The following ASIC2 variants were observed in gnomAD, a reference collection of about 807,000 sequenced individuals.
The protein encoded by ASIC2 is acid sensing ion channel subunit 2.
A neutral mutation model predicts 57.3 loss-of-function variants in ASIC2; 25 were observed. The observed-to-expected ratio is 0.44, with a 90% CI of 0.32 to 0.61. The LOEUF (loss-of-function observed/expected upper bound fraction) is 0.61, where lower values mean the gene tolerates loss of function less well. Among genes scored for constraint, ASIC2 ranks in the 20% least tolerant of loss-of-function variants. The probability of loss-of-function intolerance (pLI) is 0.06; values close to 1 mark genes in which losing one functional copy is unlikely to be tolerated. For missense variants in ASIC2, 641 were observed against 738.1 expected (o/e 0.87, Z 1.52); for synonymous variants, 319 against 307.5 (o/e 1.04, Z -0.39).
chr17:33,885,150 C>T (rs1329636766), intron 1 of ASIC2, among the ~76,000 whole-genome samples: 1 of 152,188 alleles, frequency 6.6e-6, no homozygotes, highest in African/African-American at 2.4e-5. Flanking sequence ...TGGCTGGTAG[C>T]ACAGGCTGGT....
intron 1 of ASIC2, among the ~76,000 whole-genome samples, chr17:33,642,758 G>A (rs1367606651): frequency 1.3e-5 from 2 of 152,128 alleles, no homozygotes; most frequent in African/African-American, 4.8e-5. Context: ...ATCTGACCAG[G>A]ACCTTATTTT....
chr17:33,787,401 T>C (rs1197774791), intron 1 of ASIC2, among the ~76,000 whole-genome samples: 5 of 152,246 alleles, frequency 3.3e-5, no homozygotes, highest in African/African-American at 1.2e-4. Flanking sequence ...GAATATCTAG[T>C]GTTCCCTTCA....
At chr17:33,750,733 T>G (rs768038106) in intron 1 of ASIC2, among the ~76,000 whole-genome samples, 1 of 152,186 alleles carries the variant, frequency 6.6e-6, no homozygotes, top group African/African-American at 2.4e-5. Context: ...CTGATTGGGC[T>G]AGGGACTCAG....
intron 1 of ASIC2, among the ~76,000 whole-genome samples, chr17:33,165,947 G>A (rs1248920304): frequency 6.6e-6 from 1 of 152,092 alleles, no homozygotes; most frequent in African/African-American, 2.4e-5. Context: ...GGAGGCATGG[G>A]AGGGTAAAAG....
At chr17:33,797,687 T>A (rs1253017638) in intron 1 of ASIC2, among the ~76,000 whole-genome samples, 1 of 152,158 alleles carries the variant, frequency 6.6e-6, no homozygotes, top group Non-Finnish European at 1.5e-5. Context: ...CTGACCAAGG[T>A]AATTTGCTGA....
At chr17:33,655,783 T>C (rs1567680550) in intron 1 of ASIC2, among the ~76,000 whole-genome samples, 1 of 152,208 alleles carries the variant, frequency 6.6e-6, no homozygotes, top group Non-Finnish European at 1.5e-5. Flanking sequence ...ATGCAATAAA[T>C]TGAATATTGA....
intron 1 of ASIC2, among the ~76,000 whole-genome samples, chr17:33,758,774 C>G (rs1910689492): frequency 6.6e-6 from 1 of 152,002 alleles, no homozygotes; most frequent in Non-Finnish European, 1.5e-5. Context: ...AAAGAGTTCC[C>G]AACAAGAAGA....
At chr17:34,103,801 T>C (rs1041715577) in intron 1 of ASIC2, among the ~76,000 whole-genome samples, 8 of 152,238 alleles carry the variant, frequency 5.3e-5, no homozygotes, top group African/African-American at 1.9e-4. Flanking sequence ...TCTGGTCTGC[T>C]GCAGTGATTG....
In ASIC2 at chr17:33,853,656, G is replaced by T. The variant is rs145094669; in HGVS notation, c.555+302322C>A. On this transcript the variant is annotated intron_variant, in intron 1 of 9. Coordinates refer to the ASIC2 transcript ENST00000359872. ...GCTGAAGGTTCAAATGGATTTAATCGCAGCAGGAAAGACCAACGTGGGAGG... is the reference window on the plus strand; with the variant it reads ...GCTGAAGGTTCAAATGGATTTAATCTCAGCAGGAAAGACCAACGTGGGAGG... Among the ~76,000 whole-genome samples, 586 of 152,264 alleles carry T rather than the reference G, an allele frequency of 3.8e-3. 3 individuals are homozygous for T. The highest frequency in any genetic ancestry group is 0.014 in the African/African-American group (565 of 41,566).
intron 1 of ASIC2, among the ~76,000 whole-genome samples, chr17:33,267,464 T>C (rs766809324): frequency 3.3e-5 from 5 of 152,218 alleles, no homozygotes; most frequent in African/African-American, 9.6e-5. Flanking sequence ...TAATGATTCA[T>C]GCCACACACT....
At chr17:33,525,449 C>A (rs568171912) in intron 1 of ASIC2, among the ~76,000 whole-genome samples, 1 of 152,282 alleles carries the variant, frequency 6.6e-6, no homozygotes, top group Non-Finnish European at 1.5e-5. Flanking sequence ...TGATGAAGGA[C>A]CCTATCTTCT....
At chr17:33,345,951 C>A (rs1028048875) in intron 1 of ASIC2, among the ~76,000 whole-genome samples, 1 of 152,054 alleles carries the variant, frequency 6.6e-6, no homozygotes, top group East Asian at 1.9e-4. Flanking sequence ...GGAGGCCAGG[C>A]GTGGTGGCTA....
At chr17:34,027,911 T>A (rs761559650) in intron 1 of ASIC2, among the ~76,000 whole-genome samples, 2 of 152,244 alleles carry the variant, frequency 1.3e-5, no homozygotes, top group Non-Finnish European at 2.9e-5. Flanking sequence ...CATGACATTG[T>A]GTCAGATCTT....
At chr17:33,288,044 G>A (rs1361329092) in intron 1 of ASIC2, among the ~76,000 whole-genome samples, 4 of 152,152 alleles carry the variant, frequency 2.6e-5, no homozygotes, top group Admixed American at 2.6e-4. Flanking sequence ...GTCCTTTCCT[G>A]TCACTACTTG....
At chr17:33,855,333 C>G (rs1462954799) in intron 1 of ASIC2, among the ~76,000 whole-genome samples, 1 of 152,114 alleles carries the variant, frequency 6.6e-6, no homozygotes, top group Non-Finnish European at 1.5e-5. Context: ...TTTGGTCACA[C>G]AGAGTTGGAC....
At chr17:33,754,681 G>A (rs1371961399) in intron 1 of ASIC2, among the ~76,000 whole-genome samples, 2 of 152,052 alleles carry the variant, frequency 1.3e-5, no homozygotes, top group Non-Finnish European at 2.9e-5. Context: ...CTATAGGCTG[G>A]TGCGGTGGCT....
intron 1 of ASIC2, among the ~76,000 whole-genome samples, chr17:33,370,059 GAGA>G (rs1400794107): frequency 6.6e-6 from 1 of 152,194 alleles, no homozygotes; most frequent in Non-Finnish European, 1.5e-5. Context: ...TGATGTGGCT[GAGA>G]AGATGACTAT....
rs115930271 is a variant in ASIC2 at position 33,343,882 on chromosome 17, C to T, written c.556-231815G>A. On this transcript the variant is annotated intron_variant, in intron 1 of 9. Transcript: ENST00000359872. ...AATCCCCACAGAAGCCCCTGAAAAG[C>T]GACTGTGCCTTTGCCCAGACTTTGT... Among the ~76,000 whole-genome samples, 939 of 152,302 alleles carry T rather than the reference C, an allele frequency of 6.2e-3. 10 individuals carry two copies. The highest frequency in any genetic ancestry group is 0.021 in the African/African-American group (893 of 41,558).
intron 3 of ASIC2, among the ~76,000 whole-genome samples, chr17:33,050,975 A>AT (rs1486899637): frequency 2.0e-5 from 3 of 152,114 alleles, no homozygotes; most frequent in Non-Finnish European, 4.4e-5. Flanking sequence ...TCATGGTCTC[A>AT]TTGTTGGCTA....
Sources: gnomAD v4.1 joint callset for allele counts (sites outside exome capture counted in the v4.1 genomes callset) on GRCh38, gnomAD v4.1.1 for gene constraint, MANE v1.5 for transcripts, NCBI Gene and HGNC (gene_info 2026-07-23, HGNC 2026-07-21) for gene names.